PRDM5: variants seen among roughly 807,000 people sequenced by gnomAD.
PRDM5 encodes PR domain zinc finger protein 5.
A neutral mutation model predicts 81.2 loss-of-function variants in PRDM5; 56 were observed. The ratio of observed to expected loss-of-function variants is 0.69; its 90% CI spans 0.56 to 0.86. The LOEUF is 0.86. Ranked by LOEUF, PRDM5 falls within the 40% of genes least tolerant of loss-of-function variation. The pLI is 0.00. For synonymous variants in PRDM5, 267 were observed against 256.4 expected, an observed-to-expected ratio of 1.04 and a Z score of -0.39; for missense variants, 697 against 770.1, an observed-to-expected ratio of 0.91 and a Z score of 1.12.
At chr4:120,868,142 T>A (rs1378576133) in intron 2 of PRDM5, among the ~76,000 whole-genome samples, 3 of 152,222 alleles carry the variant, frequency 2.0e-5, no homozygotes, top group African/African-American at 7.2e-5. Context: ...TATGGAAATA[T>A]CTATAGTTCT....
At chr4:120,880,397 G>A (rs1762729565) in intron 2 of PRDM5, among the ~76,000 whole-genome samples, 1 of 151,998 alleles carries the variant, frequency 6.6e-6, no homozygotes, top group Admixed American at 6.6e-5. Context: ...CTGTCCAACA[G>A]ACATATAATG....
At chr4:120,827,267 G>T (rs996321193) in intron 3 of PRDM5, among the ~76,000 whole-genome samples, 8 of 152,102 alleles carry the variant, frequency 5.3e-5, no homozygotes, top group African/African-American at 1.9e-4. Flanking sequence ...ATTCAGATTT[G>T]CTGGCAAACA....
intron 2 of PRDM5, among the ~76,000 whole-genome samples, chr4:120,859,444 C>T (rs1227146446): frequency 6.6e-6 from 1 of 151,998 alleles, no homozygotes; most frequent in East Asian, 1.9e-4. Flanking sequence ...AGGCTGGTCT[C>T]GAATTCTTGG....
intron 10 of PRDM5, among the ~76,000 whole-genome samples, chr4:120,793,797 C>G (rs1009490097): frequency 2.0e-5 from 3 of 151,974 alleles, no homozygotes; most frequent in Admixed American, 2.0e-4. Context: ...GATATTTTCA[C>G]TACAAAAAAA....
intron 1 of PRDM5, among the ~76,000 whole-genome samples, chr4:120,686,440 C>G (rs1733836431): frequency 6.6e-6 from 1 of 152,022 alleles, no homozygotes; most frequent in Admixed American, 6.6e-5. Flanking sequence ...CAAAACTGTT[C>G]AGGATATTTC....
At chr4:120,847,686 A>G (rs1307779008) in intron 3 of PRDM5, among the ~76,000 whole-genome samples, 1 of 152,208 alleles carries the variant, frequency 6.6e-6, no homozygotes, top group Non-Finnish European at 1.5e-5. Context: ...TTACATAACG[A>G]TGGATAACTA....
intron 3 of PRDM5, chr4:120,839,091 G>A: frequency 1.7e-6 from 1 of 604,146 alleles, no homozygotes; most frequent in Non-Finnish European, 3.0e-6. Flanking sequence ...ACCAGGAACT[G>A]CAGCACCCCA....
chr4:120,869,607 A>G (rs1761566506), intron 2 of PRDM5, among the ~76,000 whole-genome samples: 1 of 152,208 alleles, frequency 6.6e-6, no homozygotes. Flanking sequence ...TAAAAACAAC[A>G]AAAGGTCTTG....
At chr4:120,759,289 T>C (rs774652547) in intron 13 of PRDM5, among the ~76,000 whole-genome samples, 1 of 152,226 alleles carries the variant, frequency 6.6e-6, no homozygotes, top group Non-Finnish European at 1.5e-5. Flanking sequence ...ACCATGTAAA[T>C]GGCTTTTATA....
intron 2 of PRDM5, among the ~76,000 whole-genome samples, chr4:120,862,079 T>A (rs1355589790): frequency 6.6e-6 from 1 of 152,204 alleles, no homozygotes; most frequent in Non-Finnish European, 1.5e-5. Flanking sequence ...AACCAATTAA[T>A]GATCTTAGCA....
intron 2 of PRDM5, among the ~76,000 whole-genome samples, chr4:120,875,748 T>C (rs1762276133): frequency 6.6e-6 from 1 of 152,102 alleles, no homozygotes; most frequent in African/African-American, 2.4e-5. Flanking sequence ...GGGGGCAAAA[T>C]ACAAATGACT....
intron 13 of PRDM5, among the ~76,000 whole-genome samples, chr4:120,755,855 G>A (rs538435847): frequency 2.2e-4 from 33 of 152,238 alleles, no homozygotes; most frequent in African/African-American, 7.2e-4. Context: ...CCTGCCAAGC[G>A]ACATTTTCCA....
chr4:120,754,839 G>A (rs193058232), intron 13 of PRDM5, among the ~76,000 whole-genome samples: 134 of 152,330 alleles, frequency 8.8e-4, no homozygotes, highest in Non-Finnish European at 1.7e-3. Flanking sequence ...CCTGTGGAGA[G>A]GGCACTGAGC....
At chr4:120,834,880 C>T (rs1757157725) in intron 3 of PRDM5, among the ~76,000 whole-genome samples, 1 of 152,156 alleles carries the variant, frequency 6.6e-6, no homozygotes, top group African/African-American at 2.4e-5. Context: ...AGCCTGCCTG[C>T]CTTTGGACTG....
intron 13 of PRDM5, among the ~76,000 whole-genome samples, chr4:120,768,145 C>T (rs2149200296): frequency 6.6e-6 from 1 of 152,222 alleles, no homozygotes; most frequent in East Asian, 1.9e-4. Context: ...TTTCACAGTA[C>T]TAAAATGATA....
At position 120,922,555 on chromosome 4, in the gene PRDM5, C is replaced by T. The variant is rs1725100000; in HGVS notation, c.54G>A (p.Gln18=). The change falls in exon 1 of 16, where the codon CAG becomes CAA. Residue 18 remains glutamine, a synonymous_variant. Coordinates refer to ENST00000264808, the MANE Select transcript of PRDM5 (RefSeq NM_018699.4). The part of the protein sequence containing the change: ...DRFSLKSSRV[Q]DGMGLYTARR... ...GGGCCGTGTAGAGCCCCATGCCGTC[C>T]TGAACCCGGGAGGACTTCAGGGAGA... 5.0e-6 allele frequency: 8 copies of T among 1,611,196 alleles called. No homozygotes were observed. The highest frequency in any genetic ancestry group is 6.8e-6 in the Non-Finnish European group (8 of 1,179,140).
intron 15 of PRDM5, among the ~76,000 whole-genome samples, chr4:120,702,106 C>T (rs1419301908): frequency 6.6e-6 from 1 of 152,188 alleles, no homozygotes; most frequent in Non-Finnish European, 1.5e-5. Context: ...ATGTGCAGGA[C>T]ACGCTCATAC....
At chr4:120,877,288 C>T (rs771679833) in intron 2 of PRDM5, among the ~76,000 whole-genome samples, 4 of 152,108 alleles carry the variant, frequency 2.6e-5, no homozygotes, top group Admixed American at 6.5e-5. Flanking sequence ...CTCAAAAACC[C>T]GTATTTCTGA....
At chr4:120,715,343 G>A (rs1737598763) in intron 14 of PRDM5, among the ~76,000 whole-genome samples, 1 of 152,044 alleles carries the variant, frequency 6.6e-6, no homozygotes, top group African/African-American at 2.4e-5. Flanking sequence ...TATCTACCAT[G>A]TTGCCAGAAA....
Sources: gnomAD v4.1 joint callset for allele counts (sites outside exome capture counted in the v4.1 genomes callset) on GRCh38, gnomAD v4.1.1 for gene constraint, MANE v1.5 for transcripts, NCBI Gene and HGNC (gene_info 2026-07-23, HGNC 2026-07-21) for gene names.